RAD51: variants seen among roughly 807,000 people sequenced by gnomAD.
RAD51 encodes RAD51 recombinase.
In RAD51, 14 loss-of-function variants were observed where a neutral mutation model predicts 41.5. The ratio of observed to expected loss-of-function variants is 0.34; its 90% CI spans 0.22 to 0.53. RAD51 has a LOEUF of 0.53. Among genes scored for constraint, RAD51 ranks in the 20% least tolerant of loss-of-function variants. The pLI is 0.95. For missense variants in RAD51, 234 were observed against 422.0 expected, an observed-to-expected ratio of 0.55 and a Z score of 3.90; for synonymous variants, 136 against 148.6, an observed-to-expected ratio of 0.92 and a Z score of 0.62.
At chr15:40,701,748 C>G (rs530399948) in intron 3 of RAD51, 9 of 255,730 alleles carry the variant, frequency 3.5e-5, no homozygotes, top group African/African-American at 2.1e-4. Context: ...TTGCCTTTAC[C>G]CTTGAAGTTT....
chr15:40,715,867 T>C (rs978958920), intron 5 of RAD51, among the ~76,000 whole-genome samples: 3 of 152,210 alleles, frequency 2.0e-5, no homozygotes, highest in African/African-American at 7.2e-5. Flanking sequence ...CCTGGGGACT[T>C]AGTCCCCAGA....
chr15:40,707,516 A>T (rs181705673), intron 4 of RAD51, among the ~76,000 whole-genome samples: 19 of 151,838 alleles, frequency 1.3e-4, no homozygotes, highest in Non-Finnish European at 2.1e-4. Flanking sequence ...CACGTTGGCT[A>T]GGTTGGTCTC....
chr15:40,713,383 A>C (rs1895816298), intron 5 of RAD51, among the ~76,000 whole-genome samples: 1 of 149,836 alleles, frequency 6.7e-6, no homozygotes, highest in South Asian at 2.1e-4. Flanking sequence ...CTGGGATTAC[A>C]GGTGCCTGCC....
At chr15:40,698,933 T>TG in intron 2 of RAD51, 88 bp downstream of exon 2, 1 of 1,356,380 alleles carries the variant, frequency 7.4e-7, no homozygotes, top group Non-Finnish European at 1.1e-6. Context: ...AAATATAGGT[T>TG]TACTACCAAG....
At chr15:40,700,899 G>T (rs1894942758) in intron 2 of RAD51, among the ~76,000 whole-genome samples, 165 bp from the exon 3 acceptor site, 1 of 152,078 alleles carries the variant, frequency 6.6e-6, no homozygotes, top group African/African-American at 2.4e-5. Context: ...ATCTGCTGGG[G>T]GTCCTGGAAC....
At position 40,701,465 on chromosome 15, in the gene RAD51, C is replaced by T. The variant is rs191590965; in HGVS notation, c.225+264C>T. ...TCTCAGCTCACTGCAACCTTCACCT[C>T]CCAAGCTCAAGCGATCCTCTCACCT... On this transcript the variant is annotated intron_variant, in intron 3 of 9. Transcript: ENST00000267868. Among the ~76,000 whole-genome samples the T allele has an allele frequency of 3.1e-4, 46 of 150,414 alleles. No homozygotes were observed. The Admixed American group carries it at 3.1e-3, about 10-fold the overall frequency.
intron 5 of RAD51, among the ~76,000 whole-genome samples, chr15:40,718,589 A>G (rs945751548): frequency 1.3e-5 from 2 of 152,132 alleles, no homozygotes; most frequent in African/African-American, 4.8e-5. Context: ...CAGTTCTGAC[A>G]GGACTAGCTG....
intron 5 of RAD51, among the ~76,000 whole-genome samples, chr15:40,710,269 A>AAAAAAAAAAAAAAAAAAAAAAAAAAAG (rs1555427504): frequency 9.6e-6 from 1 of 104,362 alleles, no homozygotes; most frequent in African/African-American, 4.3e-5. Context: ...AAAAAAAAAA[A>AAAAAAAAAAAAAAAAAAAAAAAAAAAG]AGAAGAAGAA....
intron 2 of RAD51, among the ~76,000 whole-genome samples, chr15:40,700,252 G>A (rs993418536): frequency 5.9e-5 from 9 of 152,166 alleles, no homozygotes; most frequent in Non-Finnish European, 1.3e-4. Flanking sequence ...TTGAATATAG[G>A]AAGAAAGAGG....
chr15:40,716,337 T>C (rs890498630), intron 5 of RAD51, among the ~76,000 whole-genome samples: 4 of 151,204 alleles, frequency 2.6e-5, no homozygotes, highest in African/African-American at 9.7e-5. Flanking sequence ...AGATGGAGAG[T>C]GGTGAAGAGC....
intron 6 of RAD51, among the ~76,000 whole-genome samples, chr15:40,721,251 C>A (rs912709390): frequency 6.6e-6 from 1 of 152,006 alleles, no homozygotes; most frequent in African/African-American, 2.4e-5. Flanking sequence ...TTCCAGCAAG[C>A]TTTTTTTGCA....
intron 4 of RAD51, among the ~76,000 whole-genome samples, chr15:40,708,793 C>T (rs934776366): frequency 1.3e-5 from 2 of 152,158 alleles, no homozygotes; most frequent in Middle Eastern, 3.4e-3. Context: ...AGGCTGGTCT[C>T]GAACTCCTGA....
chr15:40,724,305 T>C (rs966127529), intron 6 of RAD51, among the ~76,000 whole-genome samples: 11 of 152,182 alleles, frequency 7.2e-5, no homozygotes, highest in Non-Finnish European at 1.3e-4. Context: ...GTATACTGTT[T>C]TAGTAGTTTA....
chr15:40,723,724 T>C (rs766099588), intron 6 of RAD51, among the ~76,000 whole-genome samples: 28 of 152,182 alleles, frequency 1.8e-4, no homozygotes, highest in Non-Finnish European at 4.0e-4. Context: ...TGCTCTAAAA[T>C]TGGATTGTGT....
intron 4 of RAD51, among the ~76,000 whole-genome samples, chr15:40,708,577 A>G (rs45451997): frequency 6.7e-6 from 1 of 149,944 alleles, no homozygotes; most frequent in African/African-American, 2.5e-5. Flanking sequence ...CTTTTGGTTT[A>G]TTTGTTTGTT....
At chr15:40,727,933 C>G (rs778534208) in intron 6 of RAD51, among the ~76,000 whole-genome samples, 2 of 148,966 alleles carry the variant, frequency 1.3e-5, no homozygotes, top group African/African-American at 5.0e-5. Flanking sequence ...GATCTCGACT[C>G]ACTGCAACTT....
chr15:40,720,582 C>CT (rs967938213), intron 6 of RAD51, among the ~76,000 whole-genome samples: 14 of 151,780 alleles, frequency 9.2e-5, no homozygotes, highest in African/African-American at 3.4e-4. Context: ...GTAGAAAATC[C>CT]TAAGGAATCC....
chr15:40,726,978 C>A lies in RAD51; in HGVS notation c.531-1733C>A, dbSNP rs1003712082. On this transcript the variant is annotated intron_variant, in intron 6 of 9. Transcript: ENST00000267868. ...GTCCCAAGCTGTGGGAATTCCATGT[C>A]CTGCTTCTGGAGCCTAAGCACAGAG... 9.2e-5 allele frequency among the ~76,000 whole-genome samples: 14 copies of A among 151,662 alleles called. No individual in the cohort carries two copies. In the East Asian group the frequency reaches 2.7e-3, roughly 30 times the overall value.
chr15:40,730,347 CA>C (rs960266887), intron 9 of RAD51, among the ~76,000 whole-genome samples: 1 of 150,988 alleles, frequency 6.6e-6, no homozygotes, highest in Non-Finnish European at 1.5e-5. Context: ...TCTGTCTCTA[CA>C]AAAAAAAGTA....
Sources: gnomAD v4.1 joint callset for allele counts (sites outside exome capture counted in the v4.1 genomes callset) on GRCh38, gnomAD v4.1.1 for gene constraint, MANE v1.5 for transcripts, NCBI Gene and HGNC (gene_info 2026-07-23, HGNC 2026-07-21) for gene names.